Variants in MPP4 observed in about 807,000 individuals in gnomAD.
MPP4 encodes the protein MAGUK p55 scaffold protein 4, also known as MAGUK p55 subfamily member 4.
A neutral mutation model predicts 98.3 loss-of-function variants in MPP4; 91 were observed. The observed-to-expected ratio is 0.93, with a 90% CI of 0.78 to 1.10. The LOEUF (loss-of-function observed/expected upper bound fraction) is 1.10. MPP4 is among the 50% of genes least tolerant of loss of function. The probability of loss-of-function intolerance (pLI) is 0.00; values close to 1 mark genes in which losing one functional copy is unlikely to be tolerated. For missense variants in MPP4, 744 were observed against 792.9 expected, an observed-to-expected ratio of 0.94 and a Z score of 0.74; for synonymous variants, 261 against 271.8, an observed-to-expected ratio of 0.96 and a Z score of 0.39.
chr2:201,654,244 G>A (rs1193273860), intron 18 of MPP4, among the ~76,000 whole-genome samples: 3 of 152,048 alleles, frequency 2.0e-5, no homozygotes, highest in African/African-American at 7.3e-5. Flanking sequence ...CCAAAATGCT[G>A]GGATTACAGG....
At chr2:201,671,308 G>T (rs1005665575) in intron 11 of MPP4, among the ~76,000 whole-genome samples, 9 of 152,194 alleles carry the variant, frequency 5.9e-5, no homozygotes, top group African/African-American at 1.2e-4. Flanking sequence ...AGCAAGCTAA[G>T]ATCCACTGGC....
chr2:201,656,134 G>T, intron 17 of MPP4, 64 bp downstream of exon 17: 1 of 1,475,708 alleles, frequency 6.8e-7, no homozygotes, highest in East Asian at 2.5e-5. Context: ...CCCAATGCAA[G>T]ACACCTGAAT....
At chr2:201,668,750 G>A (rs1485892086) in intron 12 of MPP4, among the ~76,000 whole-genome samples, 9 of 152,094 alleles carry the variant, frequency 5.9e-5, no homozygotes, top group Non-Finnish European at 8.8e-5. Flanking sequence ...CACCACTACC[G>A]TACAGTTCCC....
Position 201,695,427 on chromosome 2 carries a change from G to A in MPP4, c.-100-1373C>T, listed in dbSNP as rs190482212. Among the ~76,000 whole-genome samples the A allele has an allele frequency of 2.1e-3, 317 of 152,306 alleles. 1 individual carries two copies. The highest frequency in any genetic ancestry group is 3.3e-3 in the Non-Finnish European group (225 of 68,034). On this transcript the variant is annotated intron_variant, in intron 1 of 21. Coordinates refer to ENST00000409474, the MANE Select transcript of MPP4 (RefSeq NM_033066.3). ...ATGTCACTGAAAAACAATAAAACCT[G>A]TAGTTATCTGAATCCAGACGCCAAC...
At chr2:201,662,318 A>T (rs1452342801) in intron 14 of MPP4, among the ~76,000 whole-genome samples, 2 of 150,400 alleles carry the variant, frequency 1.3e-5, no homozygotes, top group African/African-American at 4.9e-5. Flanking sequence ...AGCCTGAGCA[A>T]CATGGAAACC....
At chr2:201,662,361 T>C (rs1688052577) in intron 14 of MPP4, among the ~76,000 whole-genome samples, 1 of 150,130 alleles carries the variant, frequency 6.7e-6, no homozygotes, top group Non-Finnish European at 1.5e-5. Context: ...ATTAGCTGGG[T>C]GTTGTGGTGC....
chr2:201,671,284 C>T (rs776842412), intron 11 of MPP4, among the ~76,000 whole-genome samples: 1 of 152,148 alleles, frequency 6.6e-6, no homozygotes, highest in Non-Finnish European at 1.5e-5. Context: ...GCAGATCCCA[C>T]CCCCACGGAG....
rs1428158216 is a variant in MPP4, at chr2:201,687,362, A to G, written c.289T>C (p.Leu97=). 6.3e-7 allele frequency: 1 copy of G among 1,576,620 alleles called. No individual in the cohort carries two copies. Among genetic ancestry groups the G allele is most frequent in the Non-Finnish European group, 8.6e-7 (1 of 1,159,360 alleles). The change falls in exon 5 of 22, where the codon TTA becomes CTA. Residue 97 remains leucine (L), a synonymous_variant. Coordinates refer to ENST00000409474, the MANE Select transcript of MPP4 (RefSeq NM_033066.3). The stretch of plus-strand genomic sequence containing the variant: ...GGGGAAGTAGGGGTTTCACGTAATA[A>G]CTCCACTACCTGGTTCATGGAAAAG... ...AQVLSYEVVE[L]LRETPTSPEI...
At chr2:201,675,055 A>C in intron 11 of MPP4, 152 bp downstream of exon 11, 1 of 885,910 alleles carries the variant, frequency 1.1e-6, no homozygotes, top group Non-Finnish European at 1.8e-6. Context: ...AAAAACCCCT[A>C]ATCTAGGGCC....
chr2:201,687,660 G>A (rs888600914), intron 4 of MPP4, among the ~76,000 whole-genome samples: 1 of 152,166 alleles, frequency 6.6e-6, no homozygotes, highest in Non-Finnish European at 1.5e-5. Flanking sequence ...TTTGGTAACA[G>A]CATATGAACC....
At chr2:201,691,750 C>G (rs550626868) in intron 3 of MPP4, among the ~76,000 whole-genome samples, 1 of 152,172 alleles carries the variant, frequency 6.6e-6, no homozygotes, top group East Asian at 1.9e-4. Context: ...ACCTCCTGAC[C>G]TCAGGTGATC....
In MPP4 at chr2:201,681,000, T is replaced by G; in HGVS notation, c.767A>C (p.Gln256Pro). The change falls in exon 10 of 22, where the codon CAG becomes CCG. Residue 256 changes from glutamine (Q) to proline (P), a missense_variant. By Grantham distance (76) the Gln-to-Pro change is moderately conservative (BLOSUM62 -1). Coordinates refer to ENST00000409474, the MANE Select transcript of MPP4 (RefSeq NM_033066.3). ...CATGCAGGGGATGTCGGGATCCTCC[T>G]GGGGCCAGTACTCAGTCATGGCACG... ...YVRAMTEYWP[Q>P]EDPDIPCMDA... 1 of 1,613,872 alleles carries G rather than the reference T, an allele frequency of 6.2e-7. No homozygotes were observed. Among genetic ancestry groups the G allele is most frequent in the Non-Finnish European group, 8.5e-7 (1 of 1,179,860 alleles).
intron 1 of MPP4, among the ~76,000 whole-genome samples, chr2:201,696,901 T>C (rs917427836): frequency 1.3e-5 from 2 of 152,218 alleles, no homozygotes; most frequent in Non-Finnish European, 2.9e-5. Context: ...GCTTGGCTCC[T>C]CATCTTCAGG....
intron 15 of MPP4, among the ~76,000 whole-genome samples, chr2:201,659,903 T>C (rs2041757): frequency 0.28 from 42,587 of 152,060 alleles, 6,548 homozygotes; most frequent in African/African-American, 0.4. Context: ...GCAACCTTTT[T>C]TCTTAACCTT....
At chr2:201,667,055 T>G (rs1055662995) in intron 12 of MPP4, among the ~76,000 whole-genome samples, 9 of 152,174 alleles carry the variant, frequency 5.9e-5, no homozygotes, top group Non-Finnish European at 1.3e-4. Flanking sequence ...TAGGCTAGGA[T>G]TGAGAAAATG....
intron 20 of MPP4, 74 bp downstream of exon 20, chr2:201,649,502 C>T: frequency 9.2e-7 from 1 of 1,081,114 alleles, no homozygotes; most frequent in Non-Finnish European, 1.4e-6. Context: ...CAACTATAAC[C>T]TACAGCATGT....
intron 15 of MPP4, 60 bp downstream of exon 15, chr2:201,660,272 G>T: frequency 7.1e-7 from 1 of 1,403,968 alleles, no homozygotes; most frequent in Non-Finnish European, 1.0e-6. Flanking sequence ...TCATTTTTGA[G>T]GCACTGAAAG....
chr2:201,683,425 C>T (rs1029415750), intron 7 of MPP4, among the ~76,000 whole-genome samples: 5 of 152,172 alleles, frequency 3.3e-5, no homozygotes, highest in African/African-American at 1.2e-4. Context: ...AAGGTGTCAA[C>T]AGCATCAGAT....
At position 201,656,344 on chromosome 2, in the gene MPP4, A is replaced by G; in HGVS notation, c.1154T>C (p.Leu385Pro). The change falls in exon 17 of 22, where the codon CTT (leucine) becomes CCT (proline). Residue 385 changes from leucine to proline, a missense_variant. Physicochemically the swap from Leu to Pro is moderately conservative, Grantham distance 98 (BLOSUM62 -3). Coordinates refer to ENST00000409474, the MANE Select transcript of MPP4 (RefSeq NM_033066.3). ...GCTGAGGTGAGACTTCCTGCGACAA[A>G]GGCGCATGCTGCGGCGGAAGCCAGC... ...FIAGFRRSMR[L>P]CRRKSHLSPL... 1 of 1,553,858 alleles carries G rather than the reference A, an allele frequency of 6.4e-7. No individual in the cohort carries two copies. The highest frequency in any genetic ancestry group is 8.7e-7 in the Non-Finnish European group (1 of 1,148,162).
Sources: allele counts gnomAD v4.1 joint callset (sites outside exome capture counted in the v4.1 genomes callset), GRCh38; gene constraint gnomAD v4.1.1; transcripts MANE v1.5; gene names NCBI Gene and HGNC (gene_info 2026-07-23, HGNC 2026-07-21).